ATG5: variants seen among roughly 807,000 people sequenced by gnomAD.
ATG5 encodes the protein autophagy related 5.
A neutral mutation model predicts 36.5 loss-of-function variants in ATG5; 14 were observed. That is an observed-to-expected ratio of 0.38 (90% confidence interval 0.25 to 0.60). The LOEUF is 0.60. Among genes scored for constraint, ATG5 ranks in the 20% least tolerant of loss-of-function variants. ATG5 has a pLI of 0.60. For missense variants in ATG5, 195 were observed against 326.7 expected, an observed-to-expected ratio of 0.60 and a Z score of 3.11; for synonymous variants, 95 against 101.5, an observed-to-expected ratio of 0.94 and a Z score of 0.38.
chr6:106,291,639 A>G (rs776260061), intron 4 of ATG5, among the ~76,000 whole-genome samples: 2 of 152,220 alleles, frequency 1.3e-5, no homozygotes, highest in African/African-American at 2.4e-5. Context: ...TTTTTCACAC[A>G]CAAAAAAATC....
intron 5 of ATG5, among the ~76,000 whole-genome samples, chr6:106,269,363 G>A (rs946030929): frequency 4.6e-5 from 7 of 151,716 alleles, no homozygotes; most frequent in Non-Finnish European, 1.0e-4. Flanking sequence ...GGCTTCACCG[G>A]GGCTGCTGGT....
At chr6:106,263,722 G>A (rs1160458014) in intron 5 of ATG5, among the ~76,000 whole-genome samples, 1 of 152,142 alleles carries the variant, frequency 6.6e-6, no homozygotes, top group Non-Finnish European at 1.5e-5. Context: ...ACAGGGTCTA[G>A]AGTGGACTTC....
chr6:106,229,568 AC>A (rs1165181808), intron 6 of ATG5, among the ~76,000 whole-genome samples: 3 of 150,482 alleles, frequency 2.0e-5, no homozygotes, highest in South Asian at 2.1e-4. Context: ...GTAAAAAAAA[AC>A]AGTGTGCCCT....
chr6:106,232,583 A>T (rs1439621833), intron 6 of ATG5, among the ~76,000 whole-genome samples: 1 of 152,018 alleles, frequency 6.6e-6, no homozygotes, highest in Non-Finnish European at 1.5e-5. Context: ...TCCCCACCAA[A>T]GGCAGTACCC....
chr6:106,274,119 A>G (rs1779555155), intron 5 of ATG5, among the ~76,000 whole-genome samples: 2 of 152,182 alleles, frequency 1.3e-5, no homozygotes, highest in Admixed American at 6.5e-5. Flanking sequence ...TTGGGATTGT[A>G]TACTCCGAAA....
intron 6 of ATG5, among the ~76,000 whole-genome samples, chr6:106,216,437 C>T (rs903994528): frequency 4.6e-5 from 7 of 152,028 alleles, no homozygotes; most frequent in African/African-American, 1.4e-4. Flanking sequence ...TGTATTGATA[C>T]ATGCTACAAA....
chr6:106,225,727 T>C (rs1053284874), intron 6 of ATG5, among the ~76,000 whole-genome samples: 5 of 152,104 alleles, frequency 3.3e-5, no homozygotes, highest in African/African-American at 9.7e-5. Context: ...GCCAGTTCCC[T>C]AGAAAAACCT....
In ATG5 at chr6:106,201,791, G is replaced by T. The variant is rs1776441091; in HGVS notation, c.691+181C>A. The stretch of plus-strand genomic sequence containing the variant: ...ATTTCGCCAGTCGAGTCATCATTTT[G>T]TTAGTCAATAATTTACAAAATAATA... On this transcript the variant is annotated intron_variant, in intron 7 of 7. Coordinates refer to ENST00000369076, the MANE Select transcript of ATG5 (RefSeq NM_004849.4). The T allele has an allele frequency of 1.1e-5, 4 of 374,230 alleles. No homozygotes were observed. In the East Asian group the frequency reaches 1.7e-4, roughly 16 times the overall value. 23.2% of individuals were successfully genotyped at this position (374,230 alleles called of 1,614,324 possible).
intron 6 of ATG5, among the ~76,000 whole-genome samples, chr6:106,205,536 T>C (rs188886112): frequency 6.6e-6 from 1 of 152,166 alleles, no homozygotes; most frequent in African/African-American, 2.4e-5. Flanking sequence ...GCAACTATTA[T>C]GTATCCATAA....
intron 5 of ATG5, among the ~76,000 whole-genome samples, chr6:106,270,348 G>A (rs1016051542): frequency 6.6e-6 from 1 of 152,106 alleles, no homozygotes; most frequent in Non-Finnish European, 1.5e-5. Flanking sequence ...ACTTTCTCAC[G>A]AAGTTGTAGA....
intron 4 of ATG5, among the ~76,000 whole-genome samples, chr6:106,283,209 T>TG (rs1779946304): frequency 6.6e-6 from 1 of 152,164 alleles, no homozygotes; most frequent in Admixed American, 6.5e-5. Context: ...AGTACTCTGT[T>TG]GAAGGCTCTT....
intron 4 of ATG5, among the ~76,000 whole-genome samples, chr6:106,291,768 G>A (rs1405582393): frequency 6.6e-6 from 1 of 152,196 alleles, no homozygotes; most frequent in Non-Finnish European, 1.5e-5. Flanking sequence ...TTAAATTGTT[G>A]TATATGCAAG....
At chr6:106,282,995 C>T (rs189865442) in intron 4 of ATG5, among the ~76,000 whole-genome samples, 4 of 152,066 alleles carry the variant, frequency 2.6e-5, no homozygotes, top group Admixed American at 2.0e-4. Context: ...CTCCCTATGT[C>T]GCCCAGGCTG....
chr6:106,318,862 C>A (rs938625403), intron 1 of ATG5, among the ~76,000 whole-genome samples: 2 of 152,188 alleles, frequency 1.3e-5, no homozygotes, highest in Non-Finnish European at 2.9e-5. Context: ...CCAGTGAATA[C>A]ACTTAACTTT....
chr6:106,318,938 C>T (rs1187838496), intron 1 of ATG5, among the ~76,000 whole-genome samples: 1 of 152,034 alleles, frequency 6.6e-6, no homozygotes, highest in Non-Finnish European at 1.5e-5. Context: ...TTCAATAATA[C>T]TTTTTTAAAG....
intron 7 of ATG5, among the ~76,000 whole-genome samples, chr6:106,195,365 A>G (rs698029): frequency 0.6 from 90,602 of 151,990 alleles, 28,037 homozygotes; most frequent in African/African-American, 0.77. Flanking sequence ...CTTAAGTTGA[A>G]TGCAGGTGTG....
At chr6:106,234,030 C>A (rs900613589) in intron 6 of ATG5, among the ~76,000 whole-genome samples, 6 of 152,168 alleles carry the variant, frequency 3.9e-5, no homozygotes, top group African/African-American at 1.4e-4. Flanking sequence ...CATTATTGGA[C>A]AGGGAAAATG....
At chr6:106,269,391 C>T (rs1055988034) in intron 5 of ATG5, among the ~76,000 whole-genome samples, 10 of 95,480 alleles carry the variant, frequency 1.0e-4, no homozygotes, top group Admixed American at 1.0e-3. Context: ...CCTGCCAGTC[C>T]CGCGCCGTGC....
chr6:106,218,126 T>C (rs1257326998), intron 6 of ATG5, among the ~76,000 whole-genome samples: 1 of 152,132 alleles, frequency 6.6e-6, no homozygotes, highest in Non-Finnish European at 1.5e-5. Context: ...GAGCATTCTG[T>C]GTCAAAGAAT....
Sources: allele counts gnomAD v4.1 joint callset (sites outside exome capture counted in the v4.1 genomes callset), GRCh38; gene constraint gnomAD v4.1.1; transcripts MANE v1.5; gene names NCBI Gene and HGNC (gene_info 2026-07-23, HGNC 2026-07-21).